Variants in DENND2A observed in about 807,000 individuals in gnomAD.
DENND2A encodes DENN domain containing 2A, also known as DENN domain-containing protein 2A.
A neutral mutation model predicts 105.3 loss-of-function variants in DENND2A; 53 were observed. The ratio of observed to expected loss-of-function variants is 0.50; its 90% CI spans 0.40 to 0.63. The LOEUF (loss-of-function observed/expected upper bound fraction) is 0.63, where lower values mean the gene tolerates loss of function less well. DENND2A is among the 30% of genes least tolerant of loss of function. The pLI, the probability that DENND2A is intolerant of heterozygous loss-of-function variation, is 0.00. For synonymous variants in DENND2A, 522 were observed against 508.4 expected (o/e 1.03, Z -0.36); for missense variants, 1,138 against 1,279.6 (o/e 0.89, Z 1.69).
intron 15 of DENND2A, among the ~76,000 whole-genome samples, chr7:140,527,000 G>A (rs1385067083): frequency 6.6e-6 from 1 of 152,124 alleles, no homozygotes. Flanking sequence ...GGGAGTGGGC[G>A]AGAGGGCAGG....
In DENND2A at chr7:140,544,763, T is replaced by C. The variant is rs1235609864; in HGVS notation, c.2182A>G (p.Ile728Val). ...GAGTCCAGCGGGCGGCACAGTTCGA[T>C]CACCTGCCAGGGAACAGGAGCAGCC... is the stretch of plus-strand genomic sequence containing the variant. ...NFLPGSGTEV[I>V]ELCRPLDSRL... Residue 728 changes from isoleucine to valine, a missense_variant, in exon 14 of 20, where the codon ATC becomes GTC. Physicochemically the swap from Ile to Val is conservative, Grantham distance 29. Around this residue, in one of 2 missense-constraint regions of DENND2A, gnomAD observed 627 missense variants for 779.8 expected, o/e 0.80. Coordinates refer to ENST00000496613, the MANE Select transcript of DENND2A (RefSeq NM_015689.5). 2 of 1,572,564 alleles carry C rather than the reference T, an allele frequency of 1.3e-6. No homozygotes were observed.
Position 140,549,688 on chromosome 7 carries a change from G to C in DENND2A, c.2038-2749C>G, listed in dbSNP as rs373218980. 2.6e-5 allele frequency among the ~76,000 whole-genome samples: 4 copies of C among 152,244 alleles called. No individual in the cohort carries two copies. In the East Asian group the frequency reaches 5.8e-4, roughly 22 times the overall value. ...TTAAAATTAAAAAGACAGTATGGCA[G>C]TTCCTCAAAAAACTAAATAGAATGA... On this transcript the variant is annotated intron_variant, in intron 12 of 19. Transcript: ENST00000496613.
chr7:140,552,661 G>T (rs1237725987), intron 12 of DENND2A, among the ~76,000 whole-genome samples: 2 of 152,072 alleles, frequency 1.3e-5, no homozygotes, highest in Non-Finnish European at 2.9e-5. Context: ...GCCTCCCAAA[G>T]TACTAGGATT....
intron 3 of DENND2A, among the ~76,000 whole-genome samples, chr7:140,590,165 G>A (rs539256560): frequency 6.6e-6 from 1 of 152,192 alleles, no homozygotes; most frequent in Non-Finnish European, 1.5e-5. Context: ...CGAGGCGGGC[G>A]GATCACTTGA....
At chr7:140,536,008 C>G (rs1021571361) in intron 14 of DENND2A, among the ~76,000 whole-genome samples, 2 of 152,112 alleles carry the variant, frequency 1.3e-5, no homozygotes. Flanking sequence ...GTAATTCTAG[C>G]GCTCCTTAGC....
At chr7:140,635,815 C>A (rs1208401467) in intron 1 of DENND2A, among the ~76,000 whole-genome samples, 1 of 152,226 alleles carries the variant, frequency 6.6e-6, no homozygotes, top group East Asian at 1.9e-4. Context: ...CTAGGCCCAG[C>A]TGGCAAAGAA....
chr7:140,558,004 G>T, intron 11 of DENND2A, 139 bp downstream of exon 11: 1 of 645,082 alleles, frequency 1.6e-6, no homozygotes, highest in Non-Finnish European at 2.7e-6. Context: ...TGATTCACCT[G>T]CCACTCCCCC....
chr7:140,595,984 G>A (rs762092669), intron 3 of DENND2A, among the ~76,000 whole-genome samples: 3 of 152,128 alleles, frequency 2.0e-5, no homozygotes, highest in Non-Finnish European at 4.4e-5. Flanking sequence ...CAGGGCAGGC[G>A]GCTAGGCAGG....
At chr7:140,526,515 G>A (rs1369550179) in intron 15 of DENND2A, among the ~76,000 whole-genome samples, 1 of 152,212 alleles carries the variant, frequency 6.6e-6, no homozygotes, top group Non-Finnish European at 1.5e-5. Context: ...ATATCCCAGA[G>A]ACCTGCCCAG....
chr7:140,530,350 C>T (rs1796216013), intron 14 of DENND2A, among the ~76,000 whole-genome samples: 1 of 152,050 alleles, frequency 6.6e-6, no homozygotes, highest in Admixed American at 6.6e-5. Flanking sequence ...AATTTGGGGG[C>T]CCCTGGACTA....
intron 1 of DENND2A, among the ~76,000 whole-genome samples, chr7:140,609,255 A>G (rs1227541483): frequency 2.6e-5 from 4 of 152,184 alleles, no homozygotes; most frequent in Non-Finnish European, 4.4e-5. Flanking sequence ...GCTCATGCCT[A>G]TAATCCCAGC....
At chr7:140,629,906 G>A (rs1270736223) in intron 1 of DENND2A, among the ~76,000 whole-genome samples, 1 of 146,554 alleles carries the variant, frequency 6.8e-6, no homozygotes, top group African/African-American at 2.5e-5. Flanking sequence ...CGCCCAGGCT[G>A]GAGTTCAGTG....
intron 6 of DENND2A, among the ~76,000 whole-genome samples, chr7:140,573,350 A>G (rs625960): frequency 0.46 from 70,290 of 151,978 alleles, 17,082 homozygotes; most frequent in African/African-American, 0.6. Context: ...TATAGAATGT[A>G]TATTTCCAAG....
chr7:140,568,671 G>A lies in DENND2A; in HGVS notation c.1591+92C>T, dbSNP rs977262285. On this transcript the variant is annotated intron_variant, in intron 8 of 19. Transcript: ENST00000496613. ...CGCCTTGCCAAGCAAGCTCCGGCAG[G>A]ACGCTTCTGTCCCTCATACTAAGGA... 2.4e-5 allele frequency: 33 copies of A among 1,349,518 alleles called. 2 individuals are homozygous for A. The Middle Eastern group carries it at 1.0e-3, about 42-fold the overall frequency. 83.6% of individuals were successfully genotyped at this position (1,349,518 alleles called of 1,614,324 possible). A position where few individuals can be genotyped will look rare whatever the true frequency, so the allele number is the denominator to read the frequency against.
chr7:140,602,500 C>G lies in DENND2A; in HGVS notation c.-103G>C. The G allele has an allele frequency of 7.7e-7, 1 of 1,298,846 alleles. No homozygotes were observed. The allele number at this position is 1,298,846 out of a possible 1,614,324, so 80.5% of individuals were successfully genotyped here. A position where few individuals can be genotyped will look rare whatever the true frequency, so the allele number is the denominator to read the frequency against. On this transcript the variant is annotated 5_prime_UTR_variant, in exon 3 of 20. Coordinates refer to ENST00000496613, the MANE Select transcript of DENND2A (RefSeq NM_015689.5). ...ATGGAATGGAGGACTAAAGTGGATG[C>G]CTTCGAGGGTCTTTCTCAGTCCTTG...
intron 3 of DENND2A, among the ~76,000 whole-genome samples, chr7:140,594,891 T>A (rs1799221144): frequency 6.6e-6 from 1 of 151,974 alleles, no homozygotes; most frequent in Non-Finnish European, 1.5e-5. Flanking sequence ...AAATTTTGTA[T>A]TTTTAGTAGA....
chr7:140,599,876 A>G (rs1043986896), intron 3 of DENND2A, among the ~76,000 whole-genome samples: 1 of 152,020 alleles, frequency 6.6e-6, no homozygotes, highest in Non-Finnish European at 1.5e-5. Flanking sequence ...GGGTGACAGG[A>G]TTTAATTTAT....
chr7:140,632,922 C>T (rs1337145049), intron 1 of DENND2A, among the ~76,000 whole-genome samples: 45 of 146,016 alleles, frequency 3.1e-4, no homozygotes, highest in South Asian at 4.3e-4. Flanking sequence ...AGTCCAGTGG[C>T]GCAATCTCAG....
intron 10 of DENND2A, among the ~76,000 whole-genome samples, 185 bp from the exon 11 acceptor site, chr7:140,558,397 A>G (rs538368550): frequency 3.9e-4 from 60 of 152,322 alleles, no homozygotes; most frequent in Admixed American, 1.6e-3. Context: ...GCTTCATAGT[A>G]AATGTCAGTG....
Sources: allele counts gnomAD v4.1 joint callset (sites outside exome capture counted in the v4.1 genomes callset), GRCh38; gene constraint gnomAD v4.1.1; regional missense constraint gnomAD v4.1.1; transcripts MANE v1.5; gene names NCBI Gene and HGNC (gene_info 2026-07-23, HGNC 2026-07-21).